IGSF9: variants seen among roughly 807,000 people sequenced by gnomAD.
IGSF9 encodes the protein protein turtle homolog A.
A neutral mutation model predicts 121.7 loss-of-function variants in IGSF9; 87 were observed. The ratio of observed to expected loss-of-function variants is 0.71; its 90% CI spans 0.60 to 0.85. The LOEUF is 0.85. Ranked by LOEUF, IGSF9 falls within the 40% of genes least tolerant of loss-of-function variation. The pLI is 0.00. For missense variants in IGSF9, 1,462 were observed against 1,565.3 expected, an observed-to-expected ratio of 0.93 and a Z score of 1.11; for synonymous variants, 640 against 648.4, an observed-to-expected ratio of 0.99 and a Z score of 0.20.
rs563380428 is a variant in IGSF9 at position 159,943,614 on chromosome 1, G to A, written c.-160C>T. Reference sequence around the variant, plus strand: ...GTAACACCCGAGGAAGCTGCTCTCCGGAGAACCACCAGATCTAAATGAAAA... The same window carrying A: ...GTAACACCCGAGGAAGCTGCTCTCCAGAGAACCACCAGATCTAAATGAAAA... On this transcript the variant is annotated 5_prime_UTR_variant, in exon 2 of 21. Coordinates refer to ENST00000368094, the MANE Select transcript of IGSF9 (RefSeq NM_001135050.2). The A allele has an allele frequency of 2.4e-4, 132 of 546,784 alleles. No homozygotes were observed. Among genetic ancestry groups the A allele is most frequent in the Non-Finnish European group, 2.8e-4 (93 of 328,274 alleles). 33.9% of individuals were successfully genotyped at this position (546,784 alleles called of 1,614,324 possible). A position where few individuals can be genotyped will look rare whatever the true frequency, so the allele number is the denominator to read the frequency against.
Position 159,930,869 on chromosome 1 carries a change from T to G in IGSF9, c.1638-2A>C. Reference sequence around the variant, plus strand: ...TGCATTCGGTCAGGACGCTTGGCCCTGGGAGACATGAGGACATGGGGGGCA... The same window carrying G: ...TGCATTCGGTCAGGACGCTTGGCCCGGGGAGACATGAGGACATGGGGGGCA... On this transcript the variant is annotated splice_acceptor_variant, in intron 13 of 20. Transcript: ENST00000368094. LOFTEE classifies it high-confidence loss of function. 6.3e-7 allele frequency: 1 copy of G among 1,598,732 alleles called. No homozygotes were observed. The highest frequency in any genetic ancestry group is 8.5e-7 in the Non-Finnish European group (1 of 1,172,148).
At position 159,928,687 on chromosome 1, in the gene IGSF9, C is replaced by A; in HGVS notation, c.2701G>T (p.Glu901Ter). 1 of 1,479,150 alleles carries A rather than the reference C, an allele frequency of 6.8e-7. No homozygotes were observed. Among genetic ancestry groups the A allele is most frequent in the Non-Finnish European group, 9.0e-7 (1 of 1,113,222 alleles). The allele number at this position is 1,479,150 out of a possible 1,614,324, so 91.6% of individuals were successfully genotyped here. A position where few individuals can be genotyped will look rare whatever the true frequency, so the allele number is the denominator to read the frequency against. The change falls in exon 19 of 21, where the codon GAA becomes TAA. Residue 901 changes from glutamate (E) to a stop codon, truncating the protein, a stop_gained. Transcript: ENST00000368094. LOFTEE classifies it high-confidence loss of function. The part of the protein sequence containing the change: ...PSGAPQPLCI[E>*]DISPVAPPPA... ...GGGGGTGCCACAGGGCTGATGTCTT[C>A]AATGCAGAGGGGCTGGGGTGCCCCA...
rs1271536046 is a variant in IGSF9, at chr1:159,931,303, G to A, written c.1514-42C>T. ...GGAGGGATGGTGGTCAGGGCCTGAGGGAGTGTACAGAGTAGCAGGGGCCCC... is the reference window on the plus strand; with the variant it reads ...GGAGGGATGGTGGTCAGGGCCTGAGAGAGTGTACAGAGTAGCAGGGGCCCC... On this transcript the variant is annotated intron_variant, in intron 12 of 20. Transcript: ENST00000368094. This position sits in a 1 kb window ranked among gnomAD's most constrained non-coding sequence, Gnocchi z 4.8. The A allele has an allele frequency of 3.1e-6, 5 of 1,613,394 alleles. No individual in the cohort carries two copies. The highest frequency in any genetic ancestry group is 4.2e-6 in the Non-Finnish European group (5 of 1,179,670).
Position 159,943,112 on chromosome 1 carries a change from G to A in IGSF9, c.98C>T (p.Ala33Val), listed in dbSNP as rs1408084829. The A allele has an allele frequency of 6.2e-7, 1 of 1,602,146 alleles. No homozygotes were observed. The highest frequency in any genetic ancestry group is 8.5e-7 in the Non-Finnish European group (1 of 1,176,316). The stretch of plus-strand genomic sequence containing the variant: ...ACAGCCCAGCACCACACTCTCCCCA[G>A]CCCGGCCCACCACCGATACCACCTC... ...KPEVVSVVGR[A>V]GESVVLGCDL... is the part of the protein sequence containing the mutation. The change falls in exon 3 of 21, where the codon GCT becomes GTT. Residue 33 changes from alanine (A) to valine (V), a missense_variant. Physicochemically the swap from Ala to Val is moderately conservative, Grantham distance 64. This residue lies in a region of IGSF9 where 558 missense variants were observed against 599.4 expected (regional missense o/e 0.93). Coordinates refer to ENST00000368094, the MANE Select transcript of IGSF9 (RefSeq NM_001135050.2).
intron 19 of IGSF9, 131 bp from the exon 20 acceptor site, chr1:159,928,018 A>T (rs973739290): frequency 2.4e-5 from 35 of 1,485,628 alleles, no homozygotes; most frequent in Non-Finnish European, 2.5e-5. Context: ...CCTGGACCTC[A>T]GCAAAAGCTT....
chr1:159,927,859 C>T lies in IGSF9; in HGVS notation c.3259G>A (p.Glu1087Lys). The change falls in exon 20 of 21, where the codon GAG becomes AAG. Residue 1087 changes from glutamate to lysine, a missense_variant. Glu to Lys is a moderately conservative substitution (Grantham distance 56). Transcript: ENST00000368094. ...RRNTSVDENY[E>K]WDSEFPGDME... The stretch of plus-strand genomic sequence containing the variant: ...TCCCCAGGGAATTCTGAGTCCCACT[C>T]ATAGTTCTCGTCCACAGATGTGTTC... 6.2e-7 allele frequency: 1 copy of T among 1,611,580 alleles called. No homozygotes were observed. Among genetic ancestry groups the T allele is most frequent in the Non-Finnish European group, 8.5e-7 (1 of 1,179,258 alleles).
In IGSF9 at chr1:159,931,918, G is replaced by C. The variant is rs1571214080; in HGVS notation, c.1256C>G (p.Ala419Gly). Residue 419 changes from alanine to glycine, a missense_variant, in exon 11 of 21, where the codon GCT becomes GGT. Transcript: ENST00000368094. The surrounding 1 kb of genome is among the most constrained non-coding windows in gnomAD (Gnocchi z 4.8). ...VTRVLLKAPP[A>G]FIERPKEEYF... The stretch of plus-strand genomic sequence containing the variant: ...TTCTTCCTTGGGCCGCTCTATAAAA[G>C]CTGGGGGAGCCTGCAAGCCAGATCT... 1 of 1,589,880 alleles carries C rather than the reference G, an allele frequency of 6.3e-7. No homozygotes were observed. The highest frequency in any genetic ancestry group is 8.5e-7 in the Non-Finnish European group (1 of 1,172,580).
rs771632078 is a variant in IGSF9, at chr1:159,931,229, C to G, written c.1546G>C (p.Val516Leu). The G allele has an allele frequency of 1.2e-6, 2 of 1,614,114 alleles. No homozygotes were observed. Among genetic ancestry groups the G allele is most frequent in the Non-Finnish European group, 1.7e-6 (2 of 1,180,006 alleles). ...TTGGCACCCTTGGGCAAAGCCACCA[C>G]GGACACATTGGTGACAACATGAGGG... Reference protein sequence around the residue: ...TSPHVVTNVSVVALPKGANVS... With the variant: ...TSPHVVTNVSLVALPKGANVS... The change falls in exon 13 of 21, where the codon GTG becomes CTG. Residue 516 changes from valine to leucine, a missense_variant. Around this residue, in one of 3 missense-constraint regions of IGSF9, gnomAD observed 96 missense variants for 150.7 expected, o/e 0.64. Coordinates refer to ENST00000368094, the MANE Select transcript of IGSF9 (RefSeq NM_001135050.2). This position sits in a 1 kb window ranked among gnomAD's most constrained non-coding sequence, Gnocchi z 4.8.
chr1:159,942,287 T>C (rs951896172), intron 3 of IGSF9, among the ~76,000 whole-genome samples: 7 of 152,112 alleles, frequency 4.6e-5, no homozygotes, highest in African/African-American at 1.7e-4. Context: ...CTACACACGA[T>C]TTTAAGTCCC....
At chr1:159,943,311 C>T in intron 2 of IGSF9, 86 bp downstream of exon 2, 1 of 1,400,780 alleles carries the variant, frequency 7.1e-7, no homozygotes, top group Non-Finnish European at 9.5e-7. Flanking sequence ...CCTGCCCTCA[C>T]ATGCTCAAAG....
At position 159,930,456 on chromosome 1, in the gene IGSF9, GGCAGGTCAGA is replaced by G; in HGVS notation, c.1814-27_1814-18del. On this transcript the variant is annotated intron_variant, in intron 14 of 20. Coordinates refer to ENST00000368094, the MANE Select transcript of IGSF9 (RefSeq NM_001135050.2). ...TAGGAAGCCCTGCGTGGGACAGAAA[GGCAGGTCAGA>G]GCAAGGATTCCCAGCGCCCCTCCCC... The G allele has an allele frequency of 6.6e-7, 1 of 1,524,396 alleles. No homozygotes were observed. Among genetic ancestry groups the G allele is most frequent in the Non-Finnish European group, 8.8e-7 (1 of 1,139,080 alleles). 94.4% of individuals were successfully genotyped at this position (1,524,396 alleles called of 1,614,324 possible).
At position 159,930,411 on chromosome 1, in the gene IGSF9, C is replaced by A; in HGVS notation, c.1842G>T (p.Gly614=). The A allele has an allele frequency of 6.5e-7, 1 of 1,548,336 alleles. No homozygotes were observed. The highest frequency in any genetic ancestry group is 8.7e-7 in the Non-Finnish European group (1 of 1,147,262). Residue 614 remains glycine (G), a synonymous_variant, in exon 15 of 21, where the codon GGG becomes GGT. Transcript: ENST00000368094. The part of the protein sequence containing the change: ...EGLPTTPAAP[G]LPPTEIPPPL... ...GAGGCGGTATCTCTGTTGGGGGAAG[C>A]CCGGGTGCAGCTGGCGTGGTAGGAA...
intron 4 of IGSF9, among the ~76,000 whole-genome samples, 194 bp downstream of exon 4, chr1:159,937,492 A>T (rs1341504733): frequency 6.6e-6 from 1 of 152,046 alleles, no homozygotes; most frequent in African/African-American, 2.4e-5. Context: ...TGAAGAACTG[A>T]AAAGGGCAGG....
At chr1:159,943,770 G>A (rs1160494838) in intron 1 of IGSF9, 142 bp from the exon 2 acceptor site, 5 of 333,822 alleles carry the variant, frequency 1.5e-5, no homozygotes, top group African/African-American at 1.1e-4. Flanking sequence ...GGGGGATCTT[G>A]AAGCCCTGGG....
In IGSF9 at chr1:159,932,324, G is replaced by A. The variant is rs1296231026; in HGVS notation, c.1245+188C>T. Reference sequence around the variant, plus strand: ...GTGTGTGACTGATGTCCCACCTCCCGAGCACCACCTCTGCAGAAACCTCTG... The same window carrying A: ...GTGTGTGACTGATGTCCCACCTCCCAAGCACCACCTCTGCAGAAACCTCTG... On this transcript the variant is annotated intron_variant, in intron 10 of 20. Coordinates refer to ENST00000368094, the MANE Select transcript of IGSF9 (RefSeq NM_001135050.2). The surrounding 1 kb of genome is among the most constrained non-coding windows in gnomAD (Gnocchi z 4.1). The A allele has an allele frequency of 2.1e-5, 13 of 620,970 alleles. No homozygotes were observed. The highest frequency in any genetic ancestry group is 2.8e-5 in the Non-Finnish European group (10 of 355,954). 38.5% of individuals were successfully genotyped at this position (620,970 alleles called of 1,614,324 possible). A position where few individuals can be genotyped will look rare whatever the true frequency, so the allele number is the denominator to read the frequency against.
rs866615572 is a variant in IGSF9 at position 159,929,171 on chromosome 1, C to A, written c.2370-153G>T. The A allele has an allele frequency of 1.1e-5, 14 of 1,298,216 alleles. No individual in the cohort carries two copies. In the Middle Eastern group the frequency reaches 1.9e-3, roughly 172 times the overall value. The allele number at this position is 1,298,216 out of a possible 1,614,324, so 80.4% of individuals were successfully genotyped here. On this transcript the variant is annotated intron_variant, in intron 18 of 20. Transcript: ENST00000368094. ...ACAAGGTGGAGGGGTGGAGGGAAGG[C>A]ACAGGCCATACTGGAACGGCCTCAG...
chr1:159,934,427 A>G lies in IGSF9; in HGVS notation c.959T>C (p.Leu320Pro). The change falls in exon 8 of 21, where the codon CTC becomes CCC. Residue 320 changes from leucine (L) to proline (P), a missense_variant and splice_region_variant. Leu to Pro is a moderately conservative substitution (Grantham distance 98). Transcript: ENST00000368094. ...PPSASAYLTV[L>P]YPAQVTAMPP... Reference sequence around the variant, plus strand: ...GGAGAAGCTGGGGTCAGGCTTACAGAGCACAGTGAGGTAGGCAGAGGCTGA... The same window carrying G: ...GGAGAAGCTGGGGTCAGGCTTACAGGGCACAGTGAGGTAGGCAGAGGCTGA... 1 of 1,580,536 alleles carries G rather than the reference A, an allele frequency of 6.3e-7. No individual in the cohort carries two copies. The highest frequency in any genetic ancestry group is 8.6e-7 in the Non-Finnish European group (1 of 1,163,122).
In IGSF9 at chr1:159,934,411, G is replaced by A; in HGVS notation, c.961+14C>T. 1 of 1,573,252 alleles carries A rather than the reference G, an allele frequency of 6.4e-7. No homozygotes were observed. The highest frequency in any genetic ancestry group is 8.6e-7 in the Non-Finnish European group (1 of 1,159,048). On this transcript the variant is annotated intron_variant, in intron 8 of 20. Transcript: ENST00000368094. ...AAGGGAGCAGGCTGAGGGAGAAGCT[G>A]GGGTCAGGCTTACAGAGCACAGTGA...
chr1:159,931,392 C>A lies in IGSF9; in HGVS notation c.1513+61G>T. 1 of 1,597,286 alleles carries A rather than the reference C, an allele frequency of 6.3e-7. No individual in the cohort carries two copies. Among genetic ancestry groups the A allele is most frequent in the Non-Finnish European group, 8.6e-7 (1 of 1,169,304 alleles). On this transcript the variant is annotated intron_variant, in intron 12 of 20. Coordinates refer to ENST00000368094, the MANE Select transcript of IGSF9 (RefSeq NM_001135050.2). The surrounding 1 kb of genome is among the most constrained non-coding windows in gnomAD (Gnocchi z 4.8). ...CCACACCCATGATCCTCTTTCTGGG[C>A]CTCCAAAAACGATTCCCAAGTAGTT... is the stretch of plus-strand genomic sequence containing the variant.
Sources: allele counts gnomAD v4.1 joint callset (sites outside exome capture counted in the v4.1 genomes callset), GRCh38; gene constraint gnomAD v4.1.1; regional missense constraint gnomAD v4.1.1; non-coding constraint Gnocchi (gnomAD v3.1); transcripts MANE v1.5; gene names NCBI Gene and HGNC (gene_info 2026-07-23, HGNC 2026-07-21).